Variants in ZNF385B observed in about 807,000 individuals in gnomAD.
ZNF385B encodes the protein zinc finger protein 385B, also known as zinc finger protein 533.
ZNF385B carries 23 observed loss-of-function variants against 39.2 expected under a neutral mutation model. The ratio of observed to expected loss-of-function variants is 0.59; its 90% CI spans 0.42 to 0.83. The LOEUF is 0.83. ZNF385B is among the 40% of genes least tolerant of loss of function. The probability of loss-of-function intolerance (pLI) is 0.00; values close to 1 mark genes in which losing one functional copy is unlikely to be tolerated. For synonymous variants in ZNF385B, 205 were observed against 222.6 expected, an observed-to-expected ratio of 0.92 and a Z score of 0.70; for missense variants, 552 against 598.9, an observed-to-expected ratio of 0.92 and a Z score of 0.82.
chr2:179,623,461 A>C lies in ZNF385B; in HGVS notation c.299-78492T>G, dbSNP rs191655548. ...ATGACTTAGACTCAGCTGATCGGAC[A>C]TATTTTATCCCCCTTCCCTGATCCT... On this transcript the variant is annotated intron_variant, in intron 3 of 9. Transcript: ENST00000410066. 3.2e-4 allele frequency among the ~76,000 whole-genome samples: 49 copies of C among 152,272 alleles called. 2 individuals are homozygous for C. In the East Asian group the frequency reaches 7.9e-3, roughly 25 times the overall value.
chr2:179,707,961 C>A (rs888855264), intron 3 of ZNF385B, among the ~76,000 whole-genome samples: 4 of 152,196 alleles, frequency 2.6e-5, no homozygotes, highest in Non-Finnish European at 5.9e-5. Context: ...AGGCACCAAC[C>A]CGTTAGACTA....
intron 3 of ZNF385B, among the ~76,000 whole-genome samples, chr2:179,694,351 CTT>C (rs61002544): frequency 3.5e-4 from 49 of 141,740 alleles, no homozygotes; most frequent in Admixed American, 4.9e-4. Context: ...CTGCATTAAG[CTT>C]TTTTTTTTTT....
At chr2:179,572,309 A>G (rs1484873352) in intron 3 of ZNF385B, among the ~76,000 whole-genome samples, 1 of 152,196 alleles carries the variant, frequency 6.6e-6, no homozygotes, top group Admixed American at 6.5e-5. Context: ...ATGATGGACC[A>G]GAAACCTTCA....
chr2:179,730,578 T>C (rs926632397), intron 3 of ZNF385B, among the ~76,000 whole-genome samples: 3 of 152,214 alleles, frequency 2.0e-5, no homozygotes, highest in Non-Finnish European at 4.4e-5. Flanking sequence ...AGTAAATGTA[T>C]GAGAAAATGC....
At chr2:179,847,096 C>T (rs894592671) in intron 1 of ZNF385B, among the ~76,000 whole-genome samples, 3 of 152,192 alleles carry the variant, frequency 2.0e-5, no homozygotes, top group Admixed American at 2.0e-4. Flanking sequence ...CAAATATACT[C>T]TTCCCCTAAA....
Position 179,837,183 on chromosome 2 carries a change from G to A in ZNF385B, c.-155+23918C>T, listed in dbSNP as rs532427891. ...ATCATTTGCTAACTAATAAAGCAGG[G>A]ATTTTCAAGCTGCCAATTTGCTAAG... On this transcript the variant is annotated intron_variant, in intron 1 of 9. Coordinates refer to ENST00000410066, the MANE Select transcript of ZNF385B (RefSeq NM_152520.6). Among the ~76,000 whole-genome samples the A allele has an allele frequency of 1.1e-4, 17 of 152,280 alleles. No homozygotes were observed. In the South Asian group the frequency reaches 3.3e-3, roughly 30 times the overall value.
At position 179,443,308 on chromosome 2, in the gene ZNF385B, C is replaced by T. The variant is rs1445812123; in HGVS notation, c.1403G>A (p.Arg468Lys). The T allele has an allele frequency of 6.2e-7, 1 of 1,612,612 alleles. No individual in the cohort carries two copies. Among genetic ancestry groups the T allele is most frequent in the Non-Finnish European group, 8.5e-7 (1 of 1,179,790 alleles). ...GGCGCGGATGGGCCCATGCCCAGGCCTCAGAAGAGCTGGAGGAATGGCTGG... is the reference window on the plus strand; with the variant it reads ...GGCGCGGATGGGCCCATGCCCAGGCTTCAGAAGAGCTGGAGGAATGGCTGG... ...QAPAIPPALLRPGHGPIRATP... is the reference protein window; with the variant it reads ...QAPAIPPALLKPGHGPIRATP... Residue 468 changes from arginine to lysine, a missense_variant, in exon 10 of 10, where the codon AGG (arginine) becomes AAG (lysine). Physicochemically the swap from Arg to Lys is conservative, Grantham distance 26 (BLOSUM62 2). Transcript: ENST00000410066.
At chr2:179,705,208 C>A (rs1021336412) in intron 3 of ZNF385B, among the ~76,000 whole-genome samples, 1 of 152,098 alleles carries the variant, frequency 6.6e-6, no homozygotes, top group Non-Finnish European at 1.5e-5. Context: ...CTCCTGGGCC[C>A]CTCTCAATGA....
chr2:179,512,066 C>T (rs1559375112), intron 5 of ZNF385B, among the ~76,000 whole-genome samples: 1 of 152,080 alleles, frequency 6.6e-6, no homozygotes, highest in Non-Finnish European at 1.5e-5. Context: ...GTATCTCATG[C>T]TTAATTACTT....
At chr2:179,858,705 T>C (rs938237974) in intron 1 of ZNF385B, among the ~76,000 whole-genome samples, 3 of 151,852 alleles carry the variant, frequency 2.0e-5, no homozygotes, top group Non-Finnish European at 4.4e-5. Flanking sequence ...CAGAGACACA[T>C]AAAAAGCGGT....
intron 3 of ZNF385B, among the ~76,000 whole-genome samples, chr2:179,760,052 T>C (rs1271928861): frequency 6.8e-6 from 1 of 147,604 alleles, no homozygotes; most frequent in East Asian, 2.0e-4. Flanking sequence ...TAGTAAAAAT[T>C]TTTTTTTTTT....
At chr2:179,755,420 A>T (rs1355904989) in intron 3 of ZNF385B, among the ~76,000 whole-genome samples, 4 of 152,030 alleles carry the variant, frequency 2.6e-5, no homozygotes, top group Non-Finnish European at 5.9e-5. Flanking sequence ...TGATTTGGGG[A>T]GGAGAGTTCT....
chr2:179,591,509 T>A (rs1438869115), intron 3 of ZNF385B, among the ~76,000 whole-genome samples: 1 of 152,156 alleles, frequency 6.6e-6, no homozygotes. Context: ...TTAAAAGTCA[T>A]TTAATGTTCA....
At chr2:179,680,603 C>T (rs1697427988) in intron 3 of ZNF385B, among the ~76,000 whole-genome samples, 1 of 152,050 alleles carries the variant, frequency 6.6e-6, no homozygotes. Context: ...TTAGGACAAA[C>T]GATTAGGATT....
At chr2:179,690,289 C>T (rs1416330486) in intron 3 of ZNF385B, among the ~76,000 whole-genome samples, 1 of 152,094 alleles carries the variant, frequency 6.6e-6, no homozygotes, top group African/African-American at 2.4e-5. Context: ...TTCATGTGAA[C>T]TCGGAGCTAG....
chr2:179,482,690 G>A (rs547805482), intron 6 of ZNF385B, among the ~76,000 whole-genome samples: 130 of 152,214 alleles, frequency 8.5e-4, no homozygotes, highest in African/African-American at 2.9e-3. Context: ...CTTAAAATAT[G>A]TAAGTCCATT....
chr2:179,565,916 C>G (rs147366040), intron 3 of ZNF385B, among the ~76,000 whole-genome samples: 293 of 152,280 alleles, frequency 1.9e-3, no homozygotes, highest in African/African-American at 6.3e-3. Flanking sequence ...TTCATTACAA[C>G]ACTTAAGAAT....
At position 179,769,483 on chromosome 2, in the gene ZNF385B, C is replaced by G; in HGVS notation, c.298+20G>C. The stretch of plus-strand genomic sequence containing the variant: ...CCATCTCTCCCCGCAGCACATGGAA[C>G]CCGGGACCCTGCCTCCTACCTGTGC... On this transcript the variant is annotated intron_variant, in intron 3 of 9. Coordinates refer to ENST00000410066, the MANE Select transcript of ZNF385B (RefSeq NM_152520.6). 6.2e-7 allele frequency: 1 copy of G among 1,612,000 alleles called. No homozygotes were observed. Among genetic ancestry groups the G allele is most frequent in the South Asian group, 1.1e-5 (1 of 91,024 alleles).
chr2:179,743,879 T>C (rs1489351150), intron 3 of ZNF385B, among the ~76,000 whole-genome samples: 5 of 152,120 alleles, frequency 3.3e-5, no homozygotes, highest in Non-Finnish European at 5.9e-5. Context: ...TTCCAATGTA[T>C]CTACAGGTTG....
Sources: gnomAD v4.1 joint callset for allele counts (sites outside exome capture counted in the v4.1 genomes callset) on GRCh38, gnomAD v4.1.1 for gene constraint, MANE v1.5 for transcripts, NCBI Gene and HGNC (gene_info 2026-07-23, HGNC 2026-07-21) for gene names.